Variants in HS1BP3 observed in about 807,000 individuals in gnomAD.
The protein encoded by HS1BP3 is HCLS1-binding protein 3.
Under a neutral mutation model 33.5 loss-of-function variants are expected in HS1BP3, and 32 were observed. The ratio of observed to expected loss-of-function variants is 0.95; its 90% CI spans 0.72 to 1.28. HS1BP3 has a LOEUF of 1.28. Ranked by LOEUF, HS1BP3 falls within the 50% of genes most tolerant of loss-of-function variation. The probability of loss-of-function intolerance (pLI) is 0.00; values close to 1 mark genes in which losing one functional copy is unlikely to be tolerated. For missense variants in HS1BP3, 486 were observed against 502.3 expected, an observed-to-expected ratio of 0.97 and a Z score of 0.31; for synonymous variants, 187 against 209.2, an observed-to-expected ratio of 0.89 and a Z score of 0.92.
At chr2:20,640,680 C>T (rs533366202) in intron 3 of HS1BP3, 10 of 576,004 alleles carry the variant, frequency 1.7e-5, no homozygotes, top group East Asian at 5.6e-5. Flanking sequence ...CGGGGGGTGT[C>T]GGGCAAGCTC....
intron 5 of HS1BP3, among the ~76,000 whole-genome samples, chr2:20,578,414 G>C (rs989401479): frequency 6.6e-6 from 1 of 152,184 alleles, no homozygotes; most frequent in Non-Finnish European, 1.5e-5. Flanking sequence ...GCTCACCATG[G>C]TAACCAACCA....
chr2:20,622,035 C>T, intron 6 of HS1BP3: 2 of 446,964 alleles, frequency 4.5e-6, no homozygotes, highest in South Asian at 2.4e-5. Flanking sequence ...ACCTAAACAT[C>T]TAGACTAGAG....
At chr2:20,645,531 G>C (rs754939038) in intron 1 of HS1BP3, 26 bp from the exon 2 acceptor site, 3 of 1,599,382 alleles carry the variant, frequency 1.9e-6, no homozygotes, top group South Asian at 2.2e-5. Context: ...AAGGCAGGTG[G>C]GGTTCAGGGT....
downstream of HS1BP3, among the ~76,000 whole-genome samples, chr2:20,614,276 A>C (rs779763673): frequency 2.0e-5 from 3 of 152,222 alleles, no homozygotes; most frequent in Non-Finnish European, 2.9e-5. Context: ...CGTGACCCCC[A>C]GAACTGTGAG....
At chr2:20,622,391 C>T (rs1464164776) in intron 6 of HS1BP3, 27 of 1,193,990 alleles carry the variant, frequency 2.3e-5, no homozygotes, top group Non-Finnish European at 2.7e-5. Context: ...GGTGGGGGTG[C>T]GGGACCCACA....
At chr2:20,624,943 G>A (rs777403431) in intron 4 of HS1BP3, 51 bp from the exon 5 acceptor site, 1 of 1,606,556 alleles carries the variant, frequency 6.2e-7, no homozygotes, top group African/African-American at 1.3e-5. Flanking sequence ...CAAGTGTCCA[G>A]GTGGTCCGGT....
At chr2:20,584,860 G>A (rs546470016) in intron 5 of HS1BP3, among the ~76,000 whole-genome samples, 51 of 152,266 alleles carry the variant, frequency 3.3e-4, no homozygotes, top group Non-Finnish European at 5.9e-4. Flanking sequence ...GGTGACCTCT[G>A]GAGTCGCTAA....
chr2:20,642,199 A>C (rs1168890881), intron 2 of HS1BP3, among the ~76,000 whole-genome samples: 1 of 152,212 alleles, frequency 6.6e-6, no homozygotes, highest in Non-Finnish European at 1.5e-5. Context: ...CTGTGCCCAC[A>C]GTGTGCCACT....
At chr2:20,607,029 C>T (rs1381990885) in intron 2 of HS1BP3, among the ~76,000 whole-genome samples, 3 of 151,640 alleles carry the variant, frequency 2.0e-5, no homozygotes, top group Non-Finnish European at 4.4e-5. Flanking sequence ...TAATCCATGG[C>T]CAAATCTCAG....
downstream of HS1BP3, among the ~76,000 whole-genome samples, chr2:20,591,947 G>A (rs1360465572): frequency 6.6e-6 from 1 of 152,192 alleles, no homozygotes; most frequent in Non-Finnish European, 1.5e-5. Flanking sequence ...ACAGCAGCTA[G>A]TGGGTCCTAG....
intron 5 of HS1BP3, among the ~76,000 whole-genome samples, chr2:20,568,445 C>G (rs960123791): frequency 6.6e-6 from 1 of 152,100 alleles, no homozygotes; most frequent in African/African-American, 2.4e-5. Context: ...CCTGGGCCGC[C>G]GTCAGGCTTC....
At chr2:20,628,719 C>G (rs974710722) in intron 4 of HS1BP3, among the ~76,000 whole-genome samples, 11 of 151,886 alleles carry the variant, frequency 7.2e-5, no homozygotes, top group African/African-American at 2.7e-4. Flanking sequence ...GCCAACCAAG[C>G]CTGAGGGCTC....
chr2:20,554,707 A>AC, the HS1BP3 span, among the ~76,000 whole-genome samples: 6 of 63,632 alleles, frequency 9.4e-5, no homozygotes, highest in African/African-American at 3.2e-4. Context: ...TCCACCTCAC[A>AC]AAAAAAAAAA....
At chr2:20,557,691 T>G (rs1281158799), downstream of HS1BP3, among the ~76,000 whole-genome samples, 1 of 152,246 alleles carries the variant, frequency 6.6e-6, no homozygotes, top group Non-Finnish European at 1.5e-5. Flanking sequence ...GAGGGTGCTC[T>G]GCAGGTTTCT....
At chr2:20,622,439 G>T in intron 6 of HS1BP3, 1 of 658,030 alleles carries the variant, frequency 1.5e-6, no homozygotes. Flanking sequence ...TCTGCGGGAT[G>T]CTAAGGGGCA....
chr2:20,648,634 T>G (rs1695589532), intron 1 of HS1BP3, among the ~76,000 whole-genome samples: 1 of 152,200 alleles, frequency 6.6e-6, no homozygotes, highest in Non-Finnish European at 1.5e-5. Flanking sequence ...TTCCTCTCAC[T>G]GTACCCCTCC....
At chr2:20,572,329 C>T (rs183374016) in intron 5 of HS1BP3, among the ~76,000 whole-genome samples, 1 of 152,330 alleles carries the variant, frequency 6.6e-6, no homozygotes, top group East Asian at 1.9e-4. Flanking sequence ...TTCCTCCGTC[C>T]CTGATGACAC....
chr2:20,615,034 C>A (rs1694394955), downstream of HS1BP3, among the ~76,000 whole-genome samples: 1 of 152,226 alleles, frequency 6.6e-6, no homozygotes, highest in African/African-American at 2.4e-5. Context: ...CTTGACTGAG[C>A]TGTTGACAGG....
At chr2:20,595,640 GC>G (rs1262393690) in intron 3 of HS1BP3, among the ~76,000 whole-genome samples, 1 of 152,208 alleles carries the variant, frequency 6.6e-6, no homozygotes, top group Non-Finnish European at 1.5e-5. Context: ...CCTCGACATG[GC>G]TGGTTTCTTC....
Sources: gnomAD v4.1 joint callset for allele counts (sites outside exome capture counted in the v4.1 genomes callset) on GRCh38, gnomAD v4.1.1 for gene constraint, MANE v1.5 for transcripts, NCBI Gene and HGNC (gene_info 2026-07-23, HGNC 2026-07-21) for gene names.